The following OTC variants were observed in gnomAD, a reference collection of about 807,000 sequenced individuals.
OTC encodes the protein ornithine transcarbamylase, mitochondrial.
OTC carries 3 observed loss-of-function variants against 30.3 expected under a neutral mutation model. The observed-to-expected ratio is 0.10, with a 90% CI of 0.05 to 0.26. The LOEUF is 0.26. OTC is among the 10% of genes least tolerant of loss of function. The pLI is 1.00. For missense variants in OTC, 194 were observed against 260.3 expected, an observed-to-expected ratio of 0.75 and a Z score of 1.75; for synonymous variants, 111 against 99.7, an observed-to-expected ratio of 1.11 and a Z score of -0.67.
chrX:38,398,405 T>G (rs57094132), intron 4 of OTC, among the ~76,000 whole-genome samples: 20,384 of 111,746 alleles, frequency 0.18, 1,594 homozygotes, highest in Middle Eastern at 0.27. Context: ...GTTGGCAGCC[T>G]AAGGTCCTAG....
chrX:38,379,009 G>C (rs548467244), intron 3 of OTC, among the ~76,000 whole-genome samples: 6 of 111,443 alleles, frequency 5.4e-5, no homozygotes, highest in African/African-American at 2.0e-4. Flanking sequence ...TTTCTTATCA[G>C]CTTTCCCAGA....
rs1016554615 is a variant in OTC, at chrX:38,414,687, A to G, written c.1005+2688A>G. Among the ~76,000 whole-genome samples the G allele has an allele frequency of 8.9e-5, 10 of 111,945 alleles. No homozygotes were observed. The East Asian group carries it at 2.8e-3, about 31-fold the overall frequency. On this transcript the variant is annotated intron_variant, in intron 9 of 9. Transcript: ENST00000039007. Reference sequence around the variant, plus strand: ...AATGAGTTTTAATTCTTAGATCCCTAATCTCATCAACAGGCTACAGGAATT... The same window carrying G: ...AATGAGTTTTAATTCTTAGATCCCTGATCTCATCAACAGGCTACAGGAATT...
chrX:38,380,499 TTGGATGTCACCATC>T (rs2068370274), intron 3 of OTC, among the ~76,000 whole-genome samples: 1 of 111,901 alleles, frequency 8.9e-6, no homozygotes, highest in African/African-American at 3.2e-5. Context: ...AAAGTTCTGA[TTGGATGTCACCATC>T]TCCCATAATT....
the OTC span, among the ~76,000 whole-genome samples, chrX:38,338,926 C>T: frequency 1.8e-5 from 2 of 111,948 alleles, no homozygotes; most frequent in African/African-American, 6.5e-5. Flanking sequence ...TTTAGTCCTT[C>T]AAGATCCAAA....
intron 1 of OTC, among the ~76,000 whole-genome samples, chrX:38,364,353 G>A (rs919608374): frequency 1.5e-4 from 17 of 111,903 alleles, no homozygotes; most frequent in African/African-American, 5.2e-4. Flanking sequence ...TCCATTTGGA[G>A]AGCCCATGAC....
At chrX:38,373,988 C>T (rs1197171501) in intron 3 of OTC, among the ~76,000 whole-genome samples, 3 of 110,701 alleles carry the variant, frequency 2.7e-5, no homozygotes, top group Non-Finnish European at 5.7e-5. Context: ...CACAGTGAAA[C>T]CCCATCTCTA....
At chrX:38,392,447 C>T (rs768698814) in intron 4 of OTC, among the ~76,000 whole-genome samples, 1 of 111,872 alleles carries the variant, frequency 8.9e-6, no homozygotes, top group Non-Finnish European at 1.9e-5. Context: ...TGATGGAGAG[C>T]TCTATAAATC....
At position 38,368,766 on chromosome X, in the gene OTC, A is replaced by T. The variant is rs201154578; in HGVS notation, c.217-1030A>T. On this transcript the variant is annotated intron_variant, in intron 2 of 9. Coordinates refer to ENST00000039007, the MANE Select transcript of OTC (RefSeq NM_000531.6). ...CTAAGAAAAACTGAGGACAGGAGTG[A>T]CCGCAACTGCTATGGGTTGATGTTC... Among the ~76,000 whole-genome samples, 5 of 99,595 alleles carry T rather than the reference A, an allele frequency of 5.0e-5. No homozygotes were observed. The East Asian group carries it at 1.2e-3, about 25-fold the overall frequency. 86.5% of individuals were successfully genotyped at this position (99,595 alleles called of 115,157 possible).
At chrX:38,335,595 T>C in the OTC span, among the ~76,000 whole-genome samples, 1 of 112,816 alleles carries the variant, frequency 8.9e-6, no homozygotes, top group East Asian at 2.8e-4. Flanking sequence ...GAAAAACCTA[T>C]GTGCATTTTA....
At chrX:38,399,263 T>C (rs1465165091) in intron 4 of OTC, among the ~76,000 whole-genome samples, 1 of 111,285 alleles carries the variant, frequency 9.0e-6, no homozygotes, top group African/African-American at 3.3e-5. Flanking sequence ...GAAGATCTAA[T>C]ATGCTCTCAG....
Position 38,403,592 on chromosome X carries a change from C to T in OTC, c.541-26C>T, listed in dbSNP as rs2068500774. On this transcript the variant is annotated intron_variant, in intron 5 of 9. Transcript: ENST00000039007. Reference sequence around the variant, plus strand: ...CATAAGCGAATTTACGCCTGGATTTCATCTCCTTCATCCCGTGCCTTTTAG... The same window carrying T: ...CATAAGCGAATTTACGCCTGGATTTTATCTCCTTCATCCCGTGCCTTTTAG... The T allele has an allele frequency of 5.0e-6, 6 of 1,205,846 alleles. No individual in the cohort carries two copies. In the East Asian group the frequency reaches 1.8e-4, roughly 36 times the overall value.
chrX:38,335,516 T>C, the OTC span, among the ~76,000 whole-genome samples: 1 of 112,803 alleles, frequency 8.9e-6, no homozygotes, highest in Admixed American at 9.4e-5. Flanking sequence ...AATAGCTTTT[T>C]CATGCTGCAT....
chrX:38,364,078 A>C (rs2068283894), intron 1 of OTC, among the ~76,000 whole-genome samples: 1 of 111,007 alleles, frequency 9.0e-6, no homozygotes, highest in Non-Finnish European at 1.9e-5. Context: ...GTGAGCCGAG[A>C]TCACACCACT....
rs763739399 is a variant in OTC at position 38,368,126 on chromosome X, C to CT, written c.216+697_216+698insT. On this transcript the variant is annotated intron_variant, in intron 2 of 9. Transcript: ENST00000039007. ...CCTGTAATCCCAGCACTTAGGGAGG[C>CT]CAGGCAGGCAAATCACCTGAGGTCG... is the stretch of plus-strand genomic sequence containing the variant. Among the ~76,000 whole-genome samples the CT allele has an allele frequency of 1.4e-3, 49 of 34,345 alleles. No homozygotes were observed. The African/African-American group carries it at 0.021, about 14-fold the overall frequency. 29.8% of individuals were successfully genotyped at this position (34,345 alleles called of 115,157 possible). A position where few individuals can be genotyped will look rare whatever the true frequency, so the allele number is the denominator to read the frequency against.
At chrX:38,386,652 A>G (rs2068405011) in intron 4 of OTC, among the ~76,000 whole-genome samples, 1 of 111,766 alleles carries the variant, frequency 8.9e-6, no homozygotes, top group African/African-American at 3.3e-5. Flanking sequence ...TGTAAGGCTG[A>G]ATGATATTTC....
downstream of OTC, among the ~76,000 whole-genome samples, chrX:38,422,193 T>C (rs750621862): frequency 9.8e-5 from 11 of 112,178 alleles, no homozygotes; most frequent in African/African-American, 3.2e-4. Flanking sequence ...CTGATATTCT[T>C]CAGCACACAG....
At chrX:38,407,158 T>C (rs1160870333) in intron 6 of OTC, among the ~76,000 whole-genome samples, 1 of 112,536 alleles carries the variant, frequency 8.9e-6, no homozygotes, top group Non-Finnish European at 1.9e-5. Context: ...TTATGGAAAG[T>C]TCTGGATCTG....
At chrX:38,387,689 A>C (rs1412868854) in intron 4 of OTC, among the ~76,000 whole-genome samples, 4 of 111,921 alleles carry the variant, frequency 3.6e-5, no homozygotes. Flanking sequence ...TCACAACAAA[A>C]GAAACAAAGC....
intron 3 of OTC, among the ~76,000 whole-genome samples, chrX:38,379,202 T>A (rs777636990): frequency 1.8e-5 from 2 of 111,917 alleles, no homozygotes; most frequent in South Asian, 7.4e-4. Context: ...AACTGTCTTC[T>A]TTTTCAGATG....
Sources: allele counts gnomAD v4.1 joint callset (sites outside exome capture counted in the v4.1 genomes callset), GRCh38; gene constraint gnomAD v4.1.1; transcripts MANE v1.5; gene names NCBI Gene and HGNC (gene_info 2026-07-23, HGNC 2026-07-21).